Variants in CDH4 observed in about 807,000 individuals in gnomAD.
The protein encoded by CDH4 is cadherin 4, also known as cadherin-4.
CDH4 carries 33 observed loss-of-function variants against 86.0 expected under a neutral mutation model. That is an observed-to-expected ratio of 0.38 (90% CI 0.29 to 0.51). CDH4 has a LOEUF of 0.51. CDH4 is among the 20% of genes least tolerant of loss of function. The pLI is 0.86. For synonymous variants in CDH4, 555 were observed against 549.4 expected (o/e 1.01, Z -0.14); for missense variants, 1,114 against 1,307.4 (o/e 0.85, Z 2.28).
chr20:61,376,566 G>A (rs897196929), intron 2 of CDH4, among the ~76,000 whole-genome samples: 1 of 152,182 alleles, frequency 6.6e-6, no homozygotes, highest in Non-Finnish European at 1.5e-5. Context: ...GATGCTGGAA[G>A]GGCTCTTACT....
At chr20:61,376,377 G>A (rs73308669) in intron 2 of CDH4, among the ~76,000 whole-genome samples, 7,985 of 152,136 alleles carry the variant, frequency 0.052, 335 homozygotes, top group East Asian at 0.15. Context: ...AAGAGGAGCC[G>A]GAGCCATCTT....
rs199935310 is a variant in CDH4, at chr20:61,928,245, C to T, written c.1827C>T (p.Asn609=). Residue 609 remains asparagine (N), a synonymous_variant, in exon 12 of 16, where the codon AAC becomes AAT. Transcript: ENST00000614565. ...TCCAGATCTATCTCATTGACATCAACGACAACGCCCCTGAGCTGCTGCCCA... is the reference window on the plus strand; with the variant it reads ...TCCAGATCTATCTCATTGACATCAATGACAACGCCCCTGAGCTGCTGCCCA... ...GTLQIYLIDI[N]DNAPELLPKE... 134 of 1,606,658 alleles carry T rather than the reference C, an allele frequency of 8.3e-5. No individual in the cohort carries two copies. The highest frequency in any genetic ancestry group is 1.0e-4 in the Non-Finnish European group (122 of 1,179,974).
At chr20:61,528,790 G>A (rs375466096) in intron 2 of CDH4, among the ~76,000 whole-genome samples, 4 of 152,206 alleles carry the variant, frequency 2.6e-5, no homozygotes, top group African/African-American at 4.8e-5. Context: ...TGGGCAGTGC[G>A]GGGCCTGGCT....
intron 9 of CDH4, among the ~76,000 whole-genome samples, chr20:61,918,921 A>C (rs1776231): frequency 0.018 from 2,695 of 152,296 alleles, 65 homozygotes; most frequent in African/African-American, 0.061. Flanking sequence ...CCCAGGCTGA[A>C]GTGCAGTGGT....
intron 9 of CDH4, among the ~76,000 whole-genome samples, chr20:61,918,600 G>A (rs762001468): frequency 2.6e-5 from 4 of 152,176 alleles, no homozygotes; most frequent in Admixed American, 6.5e-5. Flanking sequence ...GACTCAGGGA[G>A]GCTAGCAGGG....
intron 2 of CDH4, among the ~76,000 whole-genome samples, chr20:61,454,042 C>T (rs985581650): frequency 1.3e-5 from 2 of 152,204 alleles, no homozygotes; most frequent in African/African-American, 2.4e-5. Context: ...GTCAATTAAA[C>T]CTCTTTCTTT....
chr20:61,565,221 T>TGGTGGTAGTGGTCATCTTGGTGATGGGG (rs1414076004), intron 2 of CDH4, among the ~76,000 whole-genome samples: 1 of 40,548 alleles, frequency 2.5e-5, no homozygotes, highest in Admixed American at 1.9e-4. Flanking sequence ...CTCTCGGTGG[T>TGGTGGTAGTGGTCATCTTGGTGATGGGG]AGGTGGTGGT....
chr20:61,435,985 C>T (rs1041994542), intron 2 of CDH4, among the ~76,000 whole-genome samples: 3 of 152,040 alleles, frequency 2.0e-5, no homozygotes, highest in African/African-American at 7.2e-5. Flanking sequence ...CCAGTCTGGC[C>T]ACACTTGCCT....
At position 61,798,300 on chromosome 20, in the gene CDH4, C is replaced by T. The variant is rs1469175210; in HGVS notation, c.576+25118C>T. ...TGTGGTCCCGCCTCGCACGCATCCC[C>T]GCTGTGGGCGGCCCCTCGCTGCGCC... On this transcript the variant is annotated intron_variant, in intron 4 of 15. Transcript: ENST00000614565. Among the ~76,000 whole-genome samples, 9 of 152,296 alleles carry T rather than the reference C, an allele frequency of 5.9e-5. No individual in the cohort carries two copies. In the South Asian group the frequency reaches 1.7e-3, roughly 28 times the overall value.
intron 2 of CDH4, among the ~76,000 whole-genome samples, chr20:61,735,734 G>A (rs572669456): frequency 1.3e-4 from 20 of 152,326 alleles, no homozygotes; most frequent in African/African-American, 4.6e-4. Context: ...TGGAGGAATC[G>A]ACTTCCCTGA....
chr20:61,499,494 C>T lies in CDH4; in HGVS notation c.170-244069C>T, dbSNP rs1484656701. The T allele has an allele frequency of 3.1e-6, 4 of 1,288,974 alleles. No homozygotes were observed. The African/African-American group carries it at 4.6e-5, about 15-fold the overall frequency. 79.8% of individuals were successfully genotyped at this position (1,288,974 alleles called of 1,614,324 possible). ...CCTTTCTACCCTGCTTTAAAGAAGGCAAGTGTGAGTGTGCTAGGGGGGCTT... is the reference window on the plus strand; with the variant it reads ...CCTTTCTACCCTGCTTTAAAGAAGGTAAGTGTGAGTGTGCTAGGGGGGCTT... On this transcript the variant is annotated intron_variant, in intron 2 of 15. Transcript: ENST00000614565.
At chr20:61,563,760 T>A (rs1600761788) in intron 2 of CDH4, among the ~76,000 whole-genome samples, 1 of 152,142 alleles carries the variant, frequency 6.6e-6, no homozygotes, top group Non-Finnish European at 1.5e-5. Flanking sequence ...CTGAGCCCCC[T>A]CTGTGTGGCT....
At position 61,928,254 on chromosome 20, in the gene CDH4, C is replaced by T; in HGVS notation, c.1836C>T (p.Ala612=). The change falls in exon 12 of 16, where the codon GCC becomes GCT. Residue 612 remains alanine (A), a synonymous_variant. Coordinates refer to ENST00000614565, the MANE Select transcript of CDH4 (RefSeq NM_001794.5). ...QIYLIDINDN[A]PELLPKEAQI... is the part of the protein sequence containing the mutation. Reference sequence around the variant, plus strand: ...ATCTCATTGACATCAACGACAACGCCCCTGAGCTGCTGCCCAAGGAGGCGC... The same window carrying T: ...ATCTCATTGACATCAACGACAACGCTCCTGAGCTGCTGCCCAAGGAGGCGC... 1 of 1,608,022 alleles carries T rather than the reference C, an allele frequency of 6.2e-7. No individual in the cohort carries two copies. The highest frequency in any genetic ancestry group is 8.5e-7 in the Non-Finnish European group (1 of 1,179,996).
chr20:61,930,483 T>C (rs1193073945), intron 13 of CDH4, among the ~76,000 whole-genome samples: 1 of 152,102 alleles, frequency 6.6e-6, no homozygotes, highest in East Asian at 1.9e-4. Flanking sequence ...TGGTCTGTGA[T>C]ACCCCAGGGA....
At chr20:61,305,103 G>A (rs1160433584) in intron 2 of CDH4, among the ~76,000 whole-genome samples, 1 of 151,718 alleles carries the variant, frequency 6.6e-6, no homozygotes, top group African/African-American at 2.4e-5. Context: ...CTGTGTGTGT[G>A]GTGTGTGCTC....
intron 2 of CDH4, among the ~76,000 whole-genome samples, chr20:61,494,273 A>G (rs1296242364): frequency 6.6e-6 from 1 of 152,226 alleles, no homozygotes; most frequent in African/African-American, 2.4e-5. Flanking sequence ...CTCAATAAGG[A>G]GACCCCCACC....
At chr20:61,690,595 G>C (rs139204106) in intron 2 of CDH4, among the ~76,000 whole-genome samples, 1 of 152,158 alleles carries the variant, frequency 6.6e-6, no homozygotes, top group Non-Finnish European at 1.5e-5. Flanking sequence ...GCATGTCTCT[G>C]TTCCTGTTCG....
At chr20:61,316,181 AC>A (rs1396109120) in intron 2 of CDH4, among the ~76,000 whole-genome samples, 1 of 152,224 alleles carries the variant, frequency 6.6e-6, no homozygotes. Flanking sequence ...AGTCTATGAA[AC>A]AAGAAATGGA....
chr20:61,634,703 C>T (rs940022130), intron 2 of CDH4, among the ~76,000 whole-genome samples: 4 of 152,204 alleles, frequency 2.6e-5, no homozygotes, highest in African/African-American at 4.8e-5. Flanking sequence ...CACTTTGAAG[C>T]GCAGAGCTCT....
Sources: allele counts gnomAD v4.1 joint callset (sites outside exome capture counted in the v4.1 genomes callset), GRCh38; gene constraint gnomAD v4.1.1; transcripts MANE v1.5; gene names NCBI Gene and HGNC (gene_info 2026-07-23, HGNC 2026-07-21).